The following LPCAT4 variants were observed in gnomAD, a reference collection of about 807,000 sequenced individuals.
LPCAT4 encodes the protein lysophospholipid acyltransferase LPCAT4.
In LPCAT4, 30 loss-of-function variants were observed where a neutral mutation model predicts 66.5. The observed-to-expected ratio is 0.45, with a 90% CI of 0.34 to 0.61. The LOEUF (loss-of-function observed/expected upper bound fraction) is 0.61, where lower values mean the gene tolerates loss of function less well. Ranked by LOEUF, LPCAT4 falls within the 20% of genes least tolerant of loss-of-function variation. The probability of loss-of-function intolerance (pLI) is 0.01; values close to 1 mark genes in which losing one functional copy is unlikely to be tolerated. For missense variants in LPCAT4, 557 were observed against 656.7 expected (o/e 0.85, Z 1.66); for synonymous variants, 253 against 262.1 (o/e 0.97, Z 0.34).
In LPCAT4 at chr15:34,365,998, G is replaced by A. The variant is rs999757935; in HGVS notation, c.115-297C>T. On this transcript the variant is annotated intron_variant, in intron 1 of 13. Coordinates refer to ENST00000314891, the MANE Select transcript of LPCAT4 (RefSeq NM_153613.3). ...ATCTAGCACTTAGAGGATTTAATAA[G>A]AATGCATGCGAAAGTGCAGGGCGCT... 9.2e-6 allele frequency: 3 copies of A among 326,336 alleles called. No homozygotes were observed. The South Asian group carries it at 1.3e-4, about 14-fold the overall frequency. 20.2% of individuals were successfully genotyped at this position (326,336 alleles called of 1,614,324 possible). A position where few individuals can be genotyped will look rare whatever the true frequency, so the allele number is the denominator to read the frequency against.
chr15:34,361,703 C>G (rs1008151310), intron 10 of LPCAT4, among the ~76,000 whole-genome samples, 171 bp from the exon 11 acceptor site: 4 of 151,816 alleles, frequency 2.6e-5, no homozygotes, highest in Non-Finnish European at 5.9e-5. Context: ...TTTTTCTTTT[C>G]TTTTCTTTTT....
rs774977040 is a variant in LPCAT4 at position 34,359,653 on chromosome 15, G to A, written c.1335C>T (p.His445=). ...CAGCATGCAAAGCTGTGGCAGCAGG[G>A]TGGGGTGAACCCAGCAGCAGGTGCA... The part of the protein sequence containing the change: ...TILHLLLGSP[H]PAATALHAEL... Residue 445 remains histidine (H), a synonymous_variant, in exon 13 of 14, where the codon CAC becomes CAT. Transcript: ENST00000314891. 6.2e-7 allele frequency: 1 copy of A among 1,613,666 alleles called. No homozygotes were observed. Among genetic ancestry groups the A allele is most frequent in the Non-Finnish European group, 8.5e-7 (1 of 1,180,026 alleles).
intron 9 of LPCAT4, 71 bp from the exon 10 acceptor site, chr15:34,362,392 C>T (rs1007136209): frequency 4.4e-6 from 7 of 1,587,872 alleles, no homozygotes; most frequent in African/African-American, 1.3e-5. Flanking sequence ...GTTCCTGACC[C>T]TGGCCCGCTG....
Position 34,360,099 on chromosome 15 carries a change from AC to A in LPCAT4, c.1242+11del. The A allele has an allele frequency of 1.2e-5, 12 of 965,540 alleles. No individual in the cohort carries two copies. The highest frequency in any genetic ancestry group is 1.7e-5 in the Non-Finnish European group (11 of 629,878). The allele number at this position is 965,540 out of a possible 1,614,324, so 59.8% of individuals were successfully genotyped here. On this transcript the variant is annotated intron_variant, in intron 12 of 13. Transcript: ENST00000314891. ...CCACTAAGCACCCCCCACCACCGCCACCCCCCATTACCTCAAAGGCCAGACG... is the reference window on the plus strand; with the variant it reads ...CCACTAAGCACCCCCCACCACCGCCACCCCCATTACCTCAAAGGCCAGACG...
Position 34,364,378 on chromosome 15 carries a change from C to G in LPCAT4, c.479-72G>C, listed in dbSNP as rs934140678. 3 of 829,240 alleles carry G rather than the reference C, an allele frequency of 3.6e-6. No homozygotes were observed. In the African/African-American group the frequency reaches 5.2e-5, roughly 14 times the overall value. The allele number at this position is 829,240 out of a possible 1,614,324, so 51.4% of individuals were successfully genotyped here. A position where few individuals can be genotyped will look rare whatever the true frequency, so the allele number is the denominator to read the frequency against. ...GGGGCAGTAACATCTGCAGCCTCCA[C>G]TTCCTCAACAGCATGAGAAGTTTCT... On this transcript the variant is annotated intron_variant, in intron 3 of 13. Coordinates refer to ENST00000314891, the MANE Select transcript of LPCAT4 (RefSeq NM_153613.3).
At position 34,363,763 on chromosome 15, in the gene LPCAT4, T is replaced by C; in HGVS notation, c.653-44A>G. ...CCCACCCCCACAAGGCAGAGGTTAG[T>C]ACACAGAAGTAGCTAGAGGGCATGA... is the stretch of plus-strand genomic sequence containing the variant. On this transcript the variant is annotated intron_variant, in intron 5 of 13. Coordinates refer to ENST00000314891, the MANE Select transcript of LPCAT4 (RefSeq NM_153613.3). This position sits in a 1 kb window ranked among gnomAD's most constrained non-coding sequence, Gnocchi z 4.3. 1 of 1,608,418 alleles carries C rather than the reference T, an allele frequency of 6.2e-7. No homozygotes were observed. The highest frequency in any genetic ancestry group is 8.5e-7 in the Non-Finnish European group (1 of 1,174,876).
At chr15:34,361,100 C>A in intron 11 of LPCAT4, 1 of 911,622 alleles carries the variant, frequency 1.1e-6, no homozygotes, top group Non-Finnish European at 1.4e-6. Flanking sequence ...CACCCAGCAC[C>A]CCAAAAGGTC....
At chr15:34,364,411 C>CTCTTT in intron 3 of LPCAT4, 105 bp from the exon 4 acceptor site, 1 of 557,968 alleles carries the variant, frequency 1.8e-6, no homozygotes, top group South Asian at 2.1e-5. Flanking sequence ...TCTGTTATCT[C>CTCTTT]TTTTTTTTTT....
Position 34,363,772 on chromosome 15 carries a change from G to A in LPCAT4, c.653-53C>T, listed in dbSNP as rs976497083. 2 of 1,594,010 alleles carry A rather than the reference G, an allele frequency of 1.3e-6. No homozygotes were observed. Among genetic ancestry groups the A allele is most frequent in the African/African-American group, 2.7e-5 (2 of 74,498 alleles). On this transcript the variant is annotated intron_variant, in intron 5 of 13. Transcript: ENST00000314891. This position sits in a 1 kb window ranked among gnomAD's most constrained non-coding sequence, Gnocchi z 4.3. ...ACAAGGCAGAGGTTAGTACACAGAA[G>A]TAGCTAGAGGGCATGAGGTATGGCA...
chr15:34,359,871 C>T, intron 12 of LPCAT4, 126 bp from the exon 13 acceptor site: 1 of 995,462 alleles, frequency 1.0e-6, no homozygotes, highest in Non-Finnish European at 1.5e-6. Flanking sequence ...CCTGACCCTC[C>T]AGTGCCCTTT....
intron 11 of LPCAT4, among the ~76,000 whole-genome samples, 175 bp from the exon 12 acceptor site, chr15:34,360,384 G>A (rs1890915012): frequency 6.6e-6 from 1 of 152,222 alleles, no homozygotes; most frequent in African/African-American, 2.4e-5. Flanking sequence ...TCAGGTCATA[G>A]GCTTTCTCAA....
chr15:34,364,091 A>C lies in LPCAT4; in HGVS notation c.592-18T>G, dbSNP rs199679854. The C allele has an allele frequency of 9.7e-4, 1,557 of 1,611,276 alleles. No individual in the cohort carries two copies. The highest frequency in any genetic ancestry group is 1.0e-3 in the Admixed American group (61 of 59,992). On this transcript the variant is annotated intron_variant, in intron 4 of 13. Transcript: ENST00000314891. Reference sequence around the variant, plus strand: ...AATAGCACCTGGGGTAAAAAAGAGCAGAATGAGGTGAAGAAGACTGAAGAA... The same window carrying C: ...AATAGCACCTGGGGTAAAAAAGAGCCGAATGAGGTGAAGAAGACTGAAGAA...
chr15:34,365,727 C>T (rs1355060919), intron 1 of LPCAT4, 26 bp from the exon 2 acceptor site: 3 of 1,611,672 alleles, frequency 1.9e-6, no homozygotes, highest in Non-Finnish European at 1.7e-6. Context: ...GAGAATGCCA[C>T]TTTAGAGCTT....
At chr15:34,365,369 T>C (rs774422516) in intron 2 of LPCAT4, 141 bp from the exon 3 acceptor site, 105 of 1,171,802 alleles carry the variant, frequency 9.0e-5, no homozygotes, top group Non-Finnish European at 1.2e-4. Flanking sequence ...TCTGGCCACT[T>C]TGGGACCTAT....
chr15:34,359,192 A>G lies in LPCAT4; in HGVS notation c.1510T>C (p.Ser504Pro). The change falls in exon 14 of 14, where the codon TCC (serine) becomes CCC (proline). Residue 504 changes from serine (S) to proline (P), a missense_variant. Physicochemically the swap from Ser to Pro is moderately conservative, Grantham distance 74. Coordinates refer to ENST00000314891, the MANE Select transcript of LPCAT4 (RefSeq NM_153613.3). ...RGTSQTPNAS[S>P]PGNPTALANG... ...GCCAGAGCAGTGGGGTTGCCTGGGG[A>G]TGAGGCATTTGGTGTCTGGGAGGTG... 1 of 1,605,332 alleles carries G rather than the reference A, an allele frequency of 6.2e-7. No individual in the cohort carries two copies. Among genetic ancestry groups the G allele is most frequent in the South Asian group, 1.1e-5 (1 of 89,060 alleles).
intron 3 of LPCAT4, chr15:34,364,736 G>A (rs909191169): frequency 1.7e-5 from 7 of 404,844 alleles, no homozygotes; most frequent in South Asian, 8.5e-5. Flanking sequence ...TTATAGGCGC[G>A]AGCCACCGTG....
At chr15:34,362,425 T>A in intron 9 of LPCAT4, 104 bp from the exon 10 acceptor site, 1 of 1,478,538 alleles carries the variant, frequency 6.8e-7, no homozygotes, top group Non-Finnish European at 9.3e-7. Flanking sequence ...CAGGCCCCTT[T>A]AAATCTCCCT....
chr15:34,364,411 C>CTTTTT (rs60508631), intron 3 of LPCAT4, 105 bp from the exon 4 acceptor site: 622 of 558,314 alleles, frequency 1.1e-3, no homozygotes, highest in Middle Eastern at 2.0e-3. Context: ...TCTGTTATCT[C>CTTTTT]TTTTTTTTTT....
At chr15:34,362,112 C>G in intron 10 of LPCAT4, 84 bp downstream of exon 10, 238 of 1,458,656 alleles carry the variant, frequency 1.6e-4, no homozygotes, top group Non-Finnish European at 2.1e-4. Context: ...GATTTTCCTT[C>G]TTCCTTCTCA....
Sources: gnomAD v4.1 joint callset for allele counts (sites outside exome capture counted in the v4.1 genomes callset) on GRCh38, gnomAD v4.1.1 for gene constraint, Gnocchi (gnomAD v3.1) non-coding constraint, MANE v1.5 for transcripts, NCBI Gene and HGNC (gene_info 2026-07-23, HGNC 2026-07-21) for gene names.